The following RPH3A variants were observed in gnomAD, a reference collection of about 807,000 sequenced individuals.
The protein encoded by RPH3A is rabphilin-3A.
RPH3A carries 48 observed loss-of-function variants against 102.2 expected under a neutral mutation model. The observed-to-expected ratio is 0.47, with a 90% confidence interval of 0.37 to 0.60. The LOEUF is 0.60. RPH3A is among the 20% of genes least tolerant of loss of function. The probability of loss-of-function intolerance (pLI) is 0.00; values close to 1 mark genes in which losing one functional copy is unlikely to be tolerated. For missense variants in RPH3A, 781 were observed against 910.1 expected (o/e 0.86, Z 1.83); for synonymous variants, 310 against 324.3 (o/e 0.96, Z 0.47).
chr12:112,712,606 C>T (rs922006081), intron 1 of RPH3A, among the ~76,000 whole-genome samples: 13 of 152,172 alleles, frequency 8.5e-5, no homozygotes, highest in Middle Eastern at 3.4e-3. Flanking sequence ...CCTCATGCCC[C>T]GACCAGAGGT....
intron 1 of RPH3A, among the ~76,000 whole-genome samples, chr12:112,751,244 C>A (rs115356984): frequency 0.016 from 2,409 of 152,194 alleles, 61 homozygotes; most frequent in African/African-American, 0.055. Context: ...CTTCATCATG[C>A]GATGTTGGTG....
intron 18 of RPH3A, 108 bp from the exon 19 acceptor site, chr12:112,890,741 G>A (rs891861716): frequency 4.7e-6 from 6 of 1,265,350 alleles, no homozygotes; most frequent in African/African-American, 3.0e-5. Context: ...GCTCCCTAGA[G>A]CTGGCCAAGC....
intron 5 of RPH3A, among the ~76,000 whole-genome samples, chr12:112,860,272 T>C (rs932867774): frequency 3.3e-5 from 5 of 152,216 alleles, no homozygotes; most frequent in Non-Finnish European, 7.3e-5. Context: ...AGAAGGAAGA[T>C]CTGCGTGTCC....
chr12:112,778,456 T>A (rs1267191834), intron 1 of RPH3A, among the ~76,000 whole-genome samples: 1 of 152,256 alleles, frequency 6.6e-6, no homozygotes, highest in Non-Finnish European at 1.5e-5. Flanking sequence ...TCTCATTCTC[T>A]GGCCATCACT....
intron 1 of RPH3A, among the ~76,000 whole-genome samples, chr12:112,716,667 A>G (rs927126486): frequency 6.6e-6 from 1 of 152,162 alleles, no homozygotes; most frequent in African/African-American, 2.4e-5. Flanking sequence ...ACATGCCCAC[A>G]CCTAAGTGGA....
chr12:112,816,424 T>C (rs1335811899), intron 2 of RPH3A, among the ~76,000 whole-genome samples: 1 of 152,204 alleles, frequency 6.6e-6, no homozygotes, highest in African/African-American at 2.4e-5. Context: ...TACTTGGATA[T>C]GGTGAGATAA....
At chr12:112,807,584 C>A (rs896182400) in intron 2 of RPH3A, among the ~76,000 whole-genome samples, 5 of 152,186 alleles carry the variant, frequency 3.3e-5, no homozygotes, top group African/African-American at 9.7e-5. Flanking sequence ...ATAACAATAA[C>A]AACTACCTTA....
intron 1 of RPH3A, among the ~76,000 whole-genome samples, chr12:112,718,765 G>T (rs2136041005): frequency 6.6e-6 from 1 of 152,312 alleles, no homozygotes; most frequent in Non-Finnish European, 1.5e-5. Flanking sequence ...GGTAATGGCT[G>T]CCTGTAGCCC....
intron 10 of RPH3A, among the ~76,000 whole-genome samples, chr12:112,870,631 G>A (rs985692291): frequency 9.2e-5 from 14 of 152,202 alleles, no homozygotes; most frequent in Admixed American, 4.6e-4. Flanking sequence ...ACCTCAAAGC[G>A]GCTTCATTTC....
chr12:112,806,633 A>AT (rs1021974821), intron 2 of RPH3A, among the ~76,000 whole-genome samples: 9 of 148,760 alleles, frequency 6.1e-5, no homozygotes, highest in African/African-American at 2.4e-4. Flanking sequence ...CATCTCAAAA[A>AT]TTAAAAAAAA....
At chr12:112,831,016 G>A (rs2041961425) in intron 3 of RPH3A, among the ~76,000 whole-genome samples, 1 of 151,542 alleles carries the variant, frequency 6.6e-6, no homozygotes, top group Admixed American at 6.6e-5. Flanking sequence ...GGCTTTTCTG[G>A]CCATAAAGTC....
upstream of RPH3A, among the ~76,000 whole-genome samples, chr12:112,790,323 G>A (rs940533932): frequency 1.3e-5 from 2 of 152,126 alleles, no homozygotes; most frequent in Non-Finnish European, 2.9e-5. Flanking sequence ...CTCCCAAAGT[G>A]CTGGGATTAC....
intron 1 of RPH3A, among the ~76,000 whole-genome samples, chr12:112,752,402 A>G (rs2040790908): frequency 6.6e-6 from 1 of 151,898 alleles, no homozygotes; most frequent in Non-Finnish European, 1.5e-5. Context: ...CTTGTTACTC[A>G]CTCCTAAATT....
chr12:112,761,137 G>T (rs1045659153), intron 1 of RPH3A, among the ~76,000 whole-genome samples: 2 of 152,124 alleles, frequency 1.3e-5, no homozygotes, highest in African/African-American at 2.4e-5. Context: ...GTGAACTCAG[G>T]TCATGTAATC....
intron 1 of RPH3A, among the ~76,000 whole-genome samples, chr12:112,737,154 C>A (rs77189231): frequency 7.1e-3 from 831 of 116,834 alleles, no homozygotes; most frequent in East Asian, 0.011. Flanking sequence ...GACCCTGTCT[C>A]AAAAAAAAAA....
chr12:112,851,757 A>G (rs2042326960), intron 5 of RPH3A, among the ~76,000 whole-genome samples: 1 of 152,152 alleles, frequency 6.6e-6, no homozygotes, highest in Non-Finnish European at 1.5e-5. Context: ...GGGAGAGAGG[A>G]TGGCCAGAAG....
rs2040199580 is a variant in RPH3A, at chr12:112,678,299, AAGAAAGAGAGAGAG to A, written c.-140+102984_-140+102997del. ...AAAGAAAGAAAGAAAGAAAGAAAGA[AAGAAAGAGAGAGAG>A]AGAGAAAGAAAGAAAGAAGGAAGGA... On this transcript the variant is annotated intron_variant, in intron 1 of 21. Coordinates refer to the RPH3A transcript ENST00000543106. Among the ~76,000 whole-genome samples, 2 of 41,336 alleles carry A rather than the reference AAGAAAGAGAGAGAG, an allele frequency of 4.8e-5. 1 individual carries two copies. The highest frequency in any genetic ancestry group is 1.3e-3 in the South Asian group (2 of 1,520). 27.1% of individuals were successfully genotyped at this position (41,336 alleles called of 152,430 possible).
At chr12:112,689,535 T>A (rs2040291504) in intron 1 of RPH3A, among the ~76,000 whole-genome samples, 1 of 152,244 alleles carries the variant, frequency 6.6e-6, no homozygotes, top group African/African-American at 2.4e-5. Context: ...GAGTTTGGGC[T>A]TTTCATAGGG....
At chr12:112,766,784 G>T (rs992972892) in intron 1 of RPH3A, among the ~76,000 whole-genome samples, 6 of 152,194 alleles carry the variant, frequency 3.9e-5, no homozygotes, top group African/African-American at 1.4e-4. Context: ...GGATGAGTCT[G>T]CATGGAGCTC....
Sources: allele counts gnomAD v4.1 joint callset (sites outside exome capture counted in the v4.1 genomes callset), GRCh38; gene constraint gnomAD v4.1.1; transcripts MANE v1.5; gene names NCBI Gene and HGNC (gene_info 2026-07-23, HGNC 2026-07-21).